PHC3: variants seen among roughly 807,000 people sequenced by gnomAD.
PHC3 encodes polyhomeotic-like protein 3.
PHC3 carries 13 observed loss-of-function variants against 107.4 expected under a neutral mutation model. That is an observed-to-expected ratio of 0.12 (90% CI 0.08 to 0.19). The LOEUF is 0.19. Ranked by LOEUF, PHC3 falls within the 10% of genes least tolerant of loss-of-function variation. PHC3 has a pLI of 1.00. For missense variants in PHC3, 992 were observed against 1,210.9 expected (o/e 0.82, Z 2.68); for synonymous variants, 456 against 427.4 (o/e 1.07, Z -0.83).
At chr3:170,146,194 G>A (rs1724905870) in intron 5 of PHC3, among the ~76,000 whole-genome samples, 2 of 151,898 alleles carry the variant, frequency 1.3e-5, no homozygotes, top group South Asian at 2.1e-4. Context: ...GGCCAACACG[G>A]TGAAACCCCA....
chr3:170,095,312 G>C lies in PHC3; in HGVS notation c.*1918C>G, dbSNP rs1011009559. The C allele has an allele frequency of 6.6e-6, 1 of 152,096 alleles. No homozygotes were observed. The highest frequency in any genetic ancestry group is 1.5e-5 in the Non-Finnish European group (1 of 68,000). The allele number at this position is 152,096 out of a possible 1,614,324, so 9.4% of individuals were successfully genotyped here. The stretch of plus-strand genomic sequence containing the variant: ...ACAAGCTATCGTAGGTCTGGAACAT[G>C]AGCCTTATATTATATTACATATTCT... On this transcript the variant is annotated 3_prime_UTR_variant, in exon 15 of 15. Transcript: ENST00000495893.
intron 8 of PHC3, among the ~76,000 whole-genome samples, chr3:170,127,145 T>C (rs10936613): frequency 0.36 from 55,038 of 152,016 alleles, 10,997 homozygotes; most frequent in East Asian, 0.6. Flanking sequence ...AAAGAAAATA[T>C]AGACATGATA....
At chr3:170,176,213 G>T (rs547479188) in intron 2 of PHC3, among the ~76,000 whole-genome samples, 2 of 135,642 alleles carry the variant, frequency 1.5e-5, no homozygotes, top group African/African-American at 2.8e-5. Flanking sequence ...GCGATAGAGC[G>T]AGACTCGGTC....
chr3:170,132,677 C>A (rs1252786515), intron 7 of PHC3, among the ~76,000 whole-genome samples: 1 of 152,234 alleles, frequency 6.6e-6, no homozygotes, highest in Non-Finnish European at 1.5e-5. Context: ...GGCTTTCCAG[C>A]CTCCAGGACT....
Position 170,091,002 on chromosome 3 carries a change from A to G in PHC3, c.*6228T>C, listed in dbSNP as rs1258228593. 6.6e-6 allele frequency: 1 copy of G among 152,232 alleles called. No individual in the cohort carries two copies. The highest frequency in any genetic ancestry group is 2.4e-5 in the African/African-American group (1 of 41,462). 9.4% of individuals were successfully genotyped at this position (152,232 alleles called of 1,614,324 possible). ...TCTGGTTTACTTTAGGCAAGACTAA[A>G]AAATTCTTTCTAAAACAGGTTGATG... On this transcript the variant is annotated 3_prime_UTR_variant, in exon 15 of 15. Coordinates refer to ENST00000495893, the MANE Select transcript of PHC3 (RefSeq NM_024947.4).
At chr3:170,148,935 A>T in intron 5 of PHC3, 151 bp downstream of exon 5, 1 of 630,404 alleles carries the variant, frequency 1.6e-6, no homozygotes, top group South Asian at 2.5e-5. Flanking sequence ...CATGACATAA[A>T]TGTACAAGAG....
At chr3:170,165,610 C>T (rs1334761060) in intron 4 of PHC3, among the ~76,000 whole-genome samples, 1 of 151,566 alleles carries the variant, frequency 6.6e-6, no homozygotes, top group Non-Finnish European at 1.5e-5. Context: ...AAAAATTAGC[C>T]GGGCATGGTG....
chr3:170,112,872 G>A (rs1007463233), intron 11 of PHC3, among the ~76,000 whole-genome samples: 3 of 152,032 alleles, frequency 2.0e-5, no homozygotes, highest in East Asian at 1.9e-4. Flanking sequence ...GAGTTTTCTC[G>A]TTGAACAAAT....
chr3:170,171,076 T>C, intron 4 of PHC3: 1 of 436,450 alleles, frequency 2.3e-6, no homozygotes, highest in South Asian at 4.6e-5. Flanking sequence ...ATCCCTGCAT[T>C]GTATATTTTA....
At chr3:170,180,094 G>A (rs1429714859) in intron 1 of PHC3, among the ~76,000 whole-genome samples, 5 of 148,532 alleles carry the variant, frequency 3.4e-5, no homozygotes, top group African/African-American at 1.2e-4. Context: ...TCTATATTAC[G>A]TATGTAAACA....
chr3:170,167,092 C>T (rs1406792894), intron 4 of PHC3, among the ~76,000 whole-genome samples: 3 of 152,130 alleles, frequency 2.0e-5, no homozygotes, highest in Non-Finnish European at 4.4e-5. Flanking sequence ...ATTGTGTAAA[C>T]GTTTTTCCTT....
chr3:170,108,760 C>G (rs972242185), intron 11 of PHC3, among the ~76,000 whole-genome samples: 5 of 152,140 alleles, frequency 3.3e-5, no homozygotes, highest in African/African-American at 1.2e-4. Context: ...ACTCAACCAC[C>G]ACTGCCATTA....
Position 170,091,071 on chromosome 3 carries a change from ACAC to A in PHC3, c.*6156_*6158del, listed in dbSNP as rs2108222480. The stretch of plus-strand genomic sequence containing the variant: ...TAGACACCCCACCACTCTCTCATAA[ACAC>A]CAACTTTTTCACCACCATCACTTAA... On this transcript the variant is annotated 3_prime_UTR_variant, in exon 15 of 15. Transcript: ENST00000495893. 6.6e-6 allele frequency: 1 copy of A among 152,294 alleles called. No homozygotes were observed. The highest frequency in any genetic ancestry group is 6.5e-5 in the Admixed American group (1 of 15,298). The allele number at this position is 152,294 out of a possible 1,614,324, so 9.4% of individuals were successfully genotyped here.
intron 4 of PHC3, among the ~76,000 whole-genome samples, chr3:170,161,420 A>C (rs1369701688): frequency 6.6e-6 from 1 of 152,142 alleles, no homozygotes; most frequent in Non-Finnish European, 1.5e-5. Flanking sequence ...TTCCACAGAG[A>C]AGGTGGGGAA....
rs779827245 is a variant in PHC3, at chr3:170,122,690, A to G, written c.1843T>C (p.Cys615Arg). ...EEEMPEESDE[C>R]VRMDRTPPPP... ...GGTGGGGTTCTATCCATCCGGACAC[A>G]TTCATCTGACTCTTCTGGCATTTCT... The change falls in exon 9 of 15, where the codon TGT becomes CGT. Residue 615 changes from cysteine (C) to arginine (R), a missense_variant. Coordinates refer to ENST00000495893, the MANE Select transcript of PHC3 (RefSeq NM_024947.4). The G allele has an allele frequency of 6.2e-7, 1 of 1,613,972 alleles. No homozygotes were observed. The highest frequency in any genetic ancestry group is 8.5e-7 in the Non-Finnish European group (1 of 1,179,874).
Position 170,087,769 on chromosome 3 carries a change from A to C in PHC3, c.*9461T>G, listed in dbSNP as rs1713638609. The C allele has an allele frequency of 6.6e-6, 1 of 152,200 alleles. No homozygotes were observed. The highest frequency in any genetic ancestry group is 6.5e-5 in the Admixed American group (1 of 15,284). 9.4% of individuals were successfully genotyped at this position (152,200 alleles called of 1,614,324 possible). On this transcript the variant is annotated 3_prime_UTR_variant, in exon 15 of 15. Coordinates refer to ENST00000495893, the MANE Select transcript of PHC3 (RefSeq NM_024947.4). ...GTGCAGGTAACAAAGGTGCAATTACAAGCAAGTTAAGCAGCAGAGTATAAG... is the reference window on the plus strand; with the variant it reads ...GTGCAGGTAACAAAGGTGCAATTACCAGCAAGTTAAGCAGCAGAGTATAAG...
At chr3:170,117,065 A>G (rs1385182826) in intron 10 of PHC3, 161 bp downstream of exon 10, 20 of 923,790 alleles carry the variant, frequency 2.2e-5, no homozygotes, top group Non-Finnish European at 9.4e-6. Flanking sequence ...TTCTACATAA[A>G]CATTTGGAAA....
Position 170,129,090 on chromosome 3 carries a change from T to C in PHC3, c.1382A>G (p.Gln461Arg). The C allele has an allele frequency of 1.9e-6, 3 of 1,612,206 alleles. No homozygotes were observed. Among genetic ancestry groups the C allele is most frequent in the East Asian group, 4.5e-5 (2 of 44,794 alleles). Residue 461 changes from glutamine (Q) to arginine (R), a missense_variant, in exon 8 of 15, where the codon CAG becomes CGG. Physicochemically the swap from Gln to Arg is conservative, Grantham distance 43 (BLOSUM62 1). Coordinates refer to ENST00000495893, the MANE Select transcript of PHC3 (RefSeq NM_024947.4). ...STANQVQATA[Q>R]LNLPSHLPLP... The stretch of plus-strand genomic sequence containing the variant: ...TGGAAGATGGGATGGAAGATTCAAC[T>C]GTGCTGTAGCTTGCACCTGATTAGC...
intron 4 of PHC3, among the ~76,000 whole-genome samples, chr3:170,156,371 C>T (rs776289993): frequency 2.0e-5 from 3 of 152,080 alleles, no homozygotes; most frequent in Non-Finnish European, 2.9e-5. Context: ...CTTCTCCTGC[C>T]TCAGCCTCCT....
Sources: allele counts gnomAD v4.1 joint callset (sites outside exome capture counted in the v4.1 genomes callset), GRCh38; gene constraint gnomAD v4.1.1; transcripts MANE v1.5; gene names NCBI Gene and HGNC (gene_info 2026-07-23, HGNC 2026-07-21).